The following KRABD3 variants were observed in gnomAD, a reference collection of about 807,000 sequenced individuals.
The protein encoded by KRABD3 is KRAB domain-containing protein 3.
the KRABD3 span, among the ~76,000 whole-genome samples, chr7:149,732,033 T>C: frequency 1.3e-5 from 2 of 152,148 alleles, no homozygotes; most frequent in East Asian, 1.9e-4. The surrounding 1 kb of genome is among the most constrained non-coding windows in gnomAD (Gnocchi z 4.0). Context: ...CTTTAGAGAA[T>C]AGGTGAGGAA....
the KRABD3 span, among the ~76,000 whole-genome samples, chr7:149,724,145 C>T: frequency 2.0e-5 from 3 of 152,092 alleles, no homozygotes; most frequent in African/African-American, 7.2e-5. Context: ...GGGGAGGGAG[C>T]GAGATCAAGA....
At chr7:149,722,806 T>A in the KRABD3 span, 1 of 1,609,204 alleles carries the variant, frequency 6.2e-7, no homozygotes. Context: ...GAACAGCCCC[T>A]TGCAAGGCCT....
At chr7:149,721,598 G>C in the KRABD3 span, 5 of 1,545,752 alleles carry the variant, frequency 3.2e-6, no homozygotes, top group Middle Eastern at 3.3e-4. Flanking sequence ...CGTGGCGTCA[G>C]AGGACCTGGA....
chr7:149,727,753 C>T, the KRABD3 span, among the ~76,000 whole-genome samples: 1 of 152,208 alleles, frequency 6.6e-6, no homozygotes, highest in East Asian at 1.9e-4. Context: ...AAGCTTCCAG[C>T]CAACTCCCGG....
chr7:149,724,431 C>T, the KRABD3 span, among the ~76,000 whole-genome samples: 1 of 152,136 alleles, frequency 6.6e-6, no homozygotes, highest in African/African-American at 2.4e-5. Context: ...GACTTCATGC[C>T]TGGTAGAAAC....
chr7:149,726,155 G>A, the KRABD3 span: 8 of 1,144,958 alleles, frequency 7.0e-6, no homozygotes, highest in Admixed American at 2.1e-4. Flanking sequence ...AGACCCCCAT[G>A]CCCGTGCTGG....
At chr7:149,730,832 G>C in the KRABD3 span, 3 of 521,548 alleles carry the variant, frequency 5.8e-6, no homozygotes, top group East Asian at 8.9e-5. Flanking sequence ...TAATATACAC[G>C]TGTGCATGTA....
At chr7:149,724,670 C>G in the KRABD3 span, 3 of 1,543,208 alleles carry the variant, frequency 1.9e-6, no homozygotes, top group Non-Finnish European at 2.6e-6. Flanking sequence ...TACCTCCTGA[C>G]CCCTCCTCCC....
chr7:149,715,105 G>A, the KRABD3 span: 4 of 1,230,900 alleles, frequency 3.2e-6, no homozygotes, highest in African/African-American at 1.6e-5. Flanking sequence ...GGCGCAGTGC[G>A]GCCCCGAAGG....
chr7:149,725,188 G>A, the KRABD3 span: 1 of 939,048 alleles, frequency 1.1e-6, no homozygotes, highest in Non-Finnish European at 1.5e-6. Context: ...CTGCCTGGCA[G>A]GTGCCAGAGC....
At chr7:149,721,889 C>T in the KRABD3 span, 1 of 455,040 alleles carries the variant, frequency 2.2e-6, no homozygotes, top group Non-Finnish European at 4.2e-6. Context: ...CTCATCACAG[C>T]AACCCTAACT....
chr7:149,721,721 C>A, the KRABD3 span: 1 of 753,470 alleles, frequency 1.3e-6, no homozygotes, highest in Non-Finnish European at 2.3e-6. Flanking sequence ...GTGTAACCAC[C>A]AAAGAGGAGG....
the KRABD3 span, chr7:149,729,643 G>A: frequency 4.7e-5 from 46 of 985,466 alleles, no homozygotes; most frequent in African/African-American, 8.7e-5. Context: ...GGCTCCCGCC[G>A]TCCACTGCTG....
At chr7:149,720,808 G>A in the KRABD3 span, 78 of 1,551,722 alleles carry the variant, frequency 5.0e-5, 1 homozygote, top group African/African-American at 5.7e-4. Context: ...GCAGGGGTGC[G>A]GGGGGGTCAC....
At chr7:149,719,822 C>T in the KRABD3 span, 32 of 1,231,276 alleles carry the variant, frequency 2.6e-5, no homozygotes, top group East Asian at 1.0e-4. The surrounding 1 kb of genome is among the most constrained non-coding windows in gnomAD (Gnocchi z 5.6). Context: ...GTCCCGGGAC[C>T]GGGTTCTAGG....
chr7:149,729,223 G>A, the KRABD3 span: 6 of 1,582,956 alleles, frequency 3.8e-6, no homozygotes, highest in Admixed American at 1.8e-5. Context: ...AGCCCGTCTC[G>A]GGCAGGGTAG....
At chr7:149,717,194 C>T in the KRABD3 span, among the ~76,000 whole-genome samples, 2 of 152,224 alleles carry the variant, frequency 1.3e-5, no homozygotes, top group Admixed American at 6.5e-5. Context: ...ATCAGAATGT[C>T]ATGTGGGAAC....
At chr7:149,728,492 C>T in the KRABD3 span, 1 of 1,608,964 alleles carries the variant, frequency 6.2e-7, no homozygotes, top group Non-Finnish European at 8.5e-7. Context: ...AGCTACAGTC[C>T]CCCTCATCTG....
the KRABD3 span, chr7:149,729,313 C>T: frequency 6.1e-5 from 97 of 1,599,074 alleles, no homozygotes; most frequent in Middle Eastern, 6.6e-4. Context: ...CTGCCACCAG[C>T]GGGGGTTCAA....
Sources: allele counts gnomAD v4.1 joint callset (sites outside exome capture counted in the v4.1 genomes callset), GRCh38; gene constraint gnomAD v4.1.1; non-coding constraint Gnocchi (gnomAD v3.1); transcripts MANE v1.5; gene names NCBI Gene and HGNC (gene_info 2026-07-23, HGNC 2026-07-21).